The following SRRM4 variants were observed in gnomAD, a reference collection of about 807,000 sequenced individuals.
The protein encoded by SRRM4 is serine/arginine repetitive matrix protein 4.
A neutral mutation model predicts 68.9 loss-of-function variants in SRRM4; 33 were observed. The ratio of observed to expected loss-of-function variants is 0.48; its 90% CI spans 0.36 to 0.64. SRRM4 has a LOEUF of 0.64. SRRM4 is among the 30% of genes least tolerant of loss of function. The pLI is 0.00. For missense variants in SRRM4, 817 were observed against 827.1 expected (o/e 0.99, Z 0.15); for synonymous variants, 318 against 318.8 (o/e 1.00, Z 0.03).
At chr12:119,131,368 T>C (rs1189899552) in intron 8 of SRRM4, among the ~76,000 whole-genome samples, 1 of 152,226 alleles carries the variant, frequency 6.6e-6, no homozygotes, top group East Asian at 1.9e-4. Flanking sequence ...TCCTCTCATG[T>C]AGCCACACAA....
At chr12:119,067,637 G>T (rs954689362) in intron 1 of SRRM4, among the ~76,000 whole-genome samples, 3 of 152,164 alleles carry the variant, frequency 2.0e-5, no homozygotes, top group Admixed American at 2.0e-4. Flanking sequence ...GAACCCGGGA[G>T]GTGGAGGTTG....
At chr12:119,141,762 T>G (rs1420266591) in intron 8 of SRRM4, among the ~76,000 whole-genome samples, 1 of 152,076 alleles carries the variant, frequency 6.6e-6, no homozygotes, top group Non-Finnish European at 1.5e-5. Context: ...CTCAGCAAGC[T>G]CCAAACCCAG....
intron 1 of SRRM4, among the ~76,000 whole-genome samples, chr12:119,032,563 T>C (rs1350235877): frequency 1.3e-5 from 2 of 152,214 alleles, no homozygotes; most frequent in African/African-American, 2.4e-5. Flanking sequence ...AAACTTCTGT[T>C]TTCCATTTGG....
intron 5 of SRRM4, among the ~76,000 whole-genome samples, 156 bp from the exon 6 acceptor site, chr12:119,121,914 T>C (rs535925544): frequency 6.6e-6 from 1 of 152,380 alleles, no homozygotes; most frequent in African/African-American, 2.4e-5. Flanking sequence ...ATTTGCTGCA[T>C]GAAAATGTTG....
At chr12:119,122,390 T>C (rs529413348) in intron 6 of SRRM4, among the ~76,000 whole-genome samples, 2 of 152,132 alleles carry the variant, frequency 1.3e-5, no homozygotes, top group African/African-American at 4.8e-5. Context: ...GGTTTAGGAA[T>C]GTATGAATGC....
At chr12:119,125,194 G>A (rs1397925889) in intron 6 of SRRM4, among the ~76,000 whole-genome samples, 187 bp from the exon 7 acceptor site, 1 of 152,114 alleles carries the variant, frequency 6.6e-6, no homozygotes, top group East Asian at 1.9e-4. Context: ...CATTGGTTAC[G>A]GAACCCTCCA....
At chr12:119,100,327 C>CAAAAA (rs34887621) in intron 1 of SRRM4, among the ~76,000 whole-genome samples, 1,387 of 105,390 alleles carry the variant, frequency 0.013, 49 homozygotes, top group African/African-American at 0.04. Context: ...CCTGTCTCTA[C>CAAAAA]AAAAAAAAAA....
chr12:119,006,526 A>G (rs995779203), intron 1 of SRRM4, among the ~76,000 whole-genome samples: 1 of 151,664 alleles, frequency 6.6e-6, no homozygotes, highest in African/African-American at 2.4e-5. Flanking sequence ...TCCCCATTCC[A>G]CCCCATTGCC....
intron 1 of SRRM4, among the ~76,000 whole-genome samples, chr12:119,015,423 C>A (rs889520453): frequency 6.6e-6 from 1 of 152,164 alleles, no homozygotes; most frequent in Non-Finnish European, 1.5e-5. Flanking sequence ...ATAAACCAAA[C>A]CAGTTCCATA....
chr12:119,077,226 G>A (rs534815794), intron 1 of SRRM4, among the ~76,000 whole-genome samples: 20 of 152,142 alleles, frequency 1.3e-4, no homozygotes, highest in Non-Finnish European at 2.5e-4. Context: ...AGAATCACCT[G>A]GGAACGTTGT....
Position 119,151,162 on chromosome 12 carries a change from C to T in SRRM4, c.1222C>T (p.Pro408Ser). The change falls in exon 10 of 13, where the codon CCA (proline) becomes TCA (serine). Residue 408 changes from proline to serine, a missense_variant. Pro to Ser is a moderately conservative substitution (Grantham distance 74, BLOSUM62 -1). Transcript: ENST00000267260. ...ATCCTCCAGTCACTCGTCCCGATCC[C>T]CAAATCCCAGGGCTTCCCCCAGGTA... ...TRSSSHSSRS[P>S]NPRASPRYTQ... 1 of 1,613,990 alleles carries T rather than the reference C, an allele frequency of 6.2e-7. No homozygotes were observed. Among genetic ancestry groups the T allele is most frequent in the Middle Eastern group, 1.6e-4 (1 of 6,062 alleles).
intron 2 of SRRM4, among the ~76,000 whole-genome samples, chr12:119,110,510 T>C (rs7307124): frequency 0.71 from 107,321 of 152,114 alleles, 38,217 homozygotes; most frequent in African/African-American, 0.77. Context: ...TTTACCTACT[T>C]AAGCTTCAGC....
intron 1 of SRRM4, among the ~76,000 whole-genome samples, chr12:119,006,613 G>A (rs1260847505): frequency 6.6e-6 from 1 of 152,194 alleles, no homozygotes; most frequent in Non-Finnish European, 1.5e-5. Flanking sequence ...GTTACTGCCT[G>A]TGGGAGAATA....
At chr12:119,108,148 G>A (rs1250348330) in intron 2 of SRRM4, among the ~76,000 whole-genome samples, 4 of 152,186 alleles carry the variant, frequency 2.6e-5, no homozygotes, top group Admixed American at 2.0e-4. Context: ...TTAATCCTGA[G>A]TTCTAATTTG....
chr12:119,043,165 T>G (rs1023350864), intron 1 of SRRM4, among the ~76,000 whole-genome samples: 4 of 152,162 alleles, frequency 2.6e-5, no homozygotes, highest in African/African-American at 9.7e-5. Context: ...ATAGACTGGA[T>G]AAAGCAAATG....
At chr12:119,098,652 A>G (rs1324793153) in intron 1 of SRRM4, among the ~76,000 whole-genome samples, 1 of 152,128 alleles carries the variant, frequency 6.6e-6, no homozygotes, top group Non-Finnish European at 1.5e-5. Context: ...AAGGCATACC[A>G]CATCCTAGAA....
At chr12:119,040,440 C>T (rs572980721) in intron 1 of SRRM4, among the ~76,000 whole-genome samples, 2 of 152,306 alleles carry the variant, frequency 1.3e-5, no homozygotes, top group African/African-American at 4.8e-5. Context: ...TCAGTGAGAA[C>T]ATATGATGTT....
intron 1 of SRRM4, among the ~76,000 whole-genome samples, chr12:119,101,143 A>G (rs1954075602): frequency 6.6e-6 from 1 of 152,230 alleles, no homozygotes; most frequent in African/African-American, 2.4e-5. Context: ...CTGGTGCATG[A>G]GACATGCTAA....
Position 119,125,391 on chromosome 12 carries a change from C to T in SRRM4, c.526C>T (p.Arg176Trp), listed in dbSNP as rs777284178. The T allele has an allele frequency of 9.9e-6, 16 of 1,612,882 alleles. No homozygotes were observed. In the South Asian group the frequency reaches 1.3e-4, roughly 13 times the overall value. The change falls in exon 7 of 13, where the codon CGG (arginine) becomes TGG (tryptophan). Residue 176 changes from arginine (R) to tryptophan (W), a missense_variant. Coordinates refer to ENST00000267260, the MANE Select transcript of SRRM4 (RefSeq NM_194286.4). ...TCTCATCCCCCCAAGATCTCGAAGC[C>T]GGCCCCGAAAGTCTCACCGCCACCG... ...EKRHKKQSRS[R>W]PRKSHRHRHH...
Sources: gnomAD v4.1 joint callset for allele counts (sites outside exome capture counted in the v4.1 genomes callset) on GRCh38, gnomAD v4.1.1 for gene constraint, MANE v1.5 for transcripts, NCBI Gene and HGNC (gene_info 2026-07-23, HGNC 2026-07-21) for gene names.